ENTREP2: variants seen among roughly 807,000 people sequenced by gnomAD.
ENTREP2 encodes the protein endosomal transmembrane epsin interactor 2.
At chr15:29,489,554 GAATT>G in the ENTREP2 span, among the ~76,000 whole-genome samples, 1 of 152,166 alleles carries the variant, frequency 6.6e-6, no homozygotes, top group African/African-American at 2.4e-5. Flanking sequence ...TATTTTAATT[GAATT>G]CATTCTATAC....
the ENTREP2 span, among the ~76,000 whole-genome samples, chr15:29,286,175 CTCAG>C: frequency 6.6e-6 from 1 of 152,102 alleles, no homozygotes; most frequent in Non-Finnish European, 1.5e-5. Context: ...TACTGGAAGT[CTCAG>C]TCAGTGCAAT....
chr15:29,671,236 G>A, the ENTREP2 span, among the ~76,000 whole-genome samples: 10 of 152,216 alleles, frequency 6.6e-5, no homozygotes, highest in African/African-American at 2.4e-4. Context: ...GACCCTTCCA[G>A]ACCTAGCCCT....
the ENTREP2 span, among the ~76,000 whole-genome samples, chr15:29,544,074 C>T: frequency 6.6e-6 from 1 of 151,622 alleles, no homozygotes; most frequent in Admixed American, 6.6e-5. Flanking sequence ...AGTATTTTTG[C>T]TCTGAATAAT....
chr15:29,329,972 A>G, the ENTREP2 span, among the ~76,000 whole-genome samples: 2 of 152,318 alleles, frequency 1.3e-5, no homozygotes, highest in South Asian at 2.1e-4. Flanking sequence ...CCTTAAGTGG[A>G]GGCTGCACAT....
chr15:29,561,693 T>TA, the ENTREP2 span, among the ~76,000 whole-genome samples: 3 of 147,652 alleles, frequency 2.0e-5, no homozygotes, highest in East Asian at 2.0e-4. Context: ...ATCTCAAAAT[T>TA]ATAATAATAA....
At chr15:29,391,560 G>A in the ENTREP2 span, among the ~76,000 whole-genome samples, 7 of 152,048 alleles carry the variant, frequency 4.6e-5, no homozygotes, top group African/African-American at 1.7e-4. Context: ...ATACACCATG[G>A]TCTGTTCTGA....
At chr15:29,648,786 A>C in the ENTREP2 span, among the ~76,000 whole-genome samples, 2 of 152,068 alleles carry the variant, frequency 1.3e-5, no homozygotes, top group Non-Finnish European at 2.9e-5. Flanking sequence ...AAAAATACAA[A>C]AAATTATCTG....
At chr15:29,542,146 G>A in the ENTREP2 span, among the ~76,000 whole-genome samples, 6 of 152,172 alleles carry the variant, frequency 3.9e-5, no homozygotes, top group African/African-American at 9.7e-5. Context: ...CAGAGTAGCT[G>A]GGATTACAGG....
the ENTREP2 span, among the ~76,000 whole-genome samples, chr15:29,221,504 C>G: frequency 6.6e-6 from 1 of 152,116 alleles, no homozygotes; most frequent in Non-Finnish European, 1.5e-5. Context: ...CCGACACTTT[C>G]AAGGACAGCT....
At chr15:29,330,129 C>T in the ENTREP2 span, among the ~76,000 whole-genome samples, 1 of 152,018 alleles carries the variant, frequency 6.6e-6, no homozygotes, top group African/African-American at 2.4e-5. Context: ...AGTATGTCCC[C>T]CTGATGTGAT....
At chr15:29,306,540 C>A in the ENTREP2 span, among the ~76,000 whole-genome samples, 1 of 151,996 alleles carries the variant, frequency 6.6e-6, no homozygotes, top group African/African-American at 2.4e-5. Context: ...TAATTCAGCA[C>A]ATTTTTAAAA....
chr15:29,336,815 G>T, the ENTREP2 span, among the ~76,000 whole-genome samples: 3 of 152,150 alleles, frequency 2.0e-5, no homozygotes, highest in African/African-American at 7.2e-5. Context: ...GTCAAAGTCA[G>T]ATCTACCAGA....
At chr15:29,425,017 TTTG>T in the ENTREP2 span, among the ~76,000 whole-genome samples, 7 of 151,960 alleles carry the variant, frequency 4.6e-5, no homozygotes, top group South Asian at 4.1e-4. Context: ...ATGACTAGTT[TTTG>T]TTGTTGTTGT....
At chr15:29,378,813 C>T in the ENTREP2 span, among the ~76,000 whole-genome samples, 1 of 152,142 alleles carries the variant, frequency 6.6e-6, no homozygotes, top group Non-Finnish European at 1.5e-5. Flanking sequence ...GTATATCTAT[C>T]TATATCTGCC....
At chr15:29,372,743 G>C in the ENTREP2 span, among the ~76,000 whole-genome samples, 1 of 152,148 alleles carries the variant, frequency 6.6e-6, no homozygotes, top group Non-Finnish European at 1.5e-5. Flanking sequence ...AGCTGGACTA[G>C]TTAAAACAAT....
At chr15:29,303,420 T>C in the ENTREP2 span, among the ~76,000 whole-genome samples, 1 of 152,230 alleles carries the variant, frequency 6.6e-6, no homozygotes, top group African/African-American at 2.4e-5. Context: ...CCCATGGCCA[T>C]GCTGACACAT....
chr15:29,272,645 G>A, the ENTREP2 span, among the ~76,000 whole-genome samples: 69 of 152,122 alleles, frequency 4.5e-4, no homozygotes, highest in African/African-American at 1.6e-3. Context: ...AGGGCAAAGG[G>A]AGCAGGAATC....
the ENTREP2 span, among the ~76,000 whole-genome samples, chr15:29,296,825 G>T: frequency 6.6e-6 from 1 of 152,138 alleles, no homozygotes; most frequent in Non-Finnish European, 1.5e-5. Flanking sequence ...CTTAAGAGCA[G>T]GTCTATCTCA....
At chr15:29,127,782 G>T in the ENTREP2 span, among the ~76,000 whole-genome samples, 1 of 152,170 alleles carries the variant, frequency 6.6e-6, no homozygotes, top group Admixed American at 6.5e-5. Context: ...ATGGGAAACA[G>T]GAAGGGGCTC....
Sources: gnomAD v4.1 joint callset for allele counts (sites outside exome capture counted in the v4.1 genomes callset) on GRCh38, gnomAD v4.1.1 for gene constraint, MANE v1.5 for transcripts, NCBI Gene and HGNC (gene_info 2026-07-23, HGNC 2026-07-21) for gene names.